Variants in PAGE1 observed in about 807,000 individuals in gnomAD.
PAGE1 encodes PAGE family member 1, also known as P antigen family member 1.
Under a neutral mutation model 11.5 loss-of-function variants are expected in PAGE1, and 6 were observed. The ratio of observed to expected loss-of-function variants is 0.52; its 90% confidence interval spans 0.29 to 1.03. The LOEUF (loss-of-function observed/expected upper bound fraction) is 1.03, where lower values mean the gene tolerates loss of function less well. Ranked by LOEUF, PAGE1 falls within the 50% of genes least tolerant of loss-of-function variation. The pLI is 0.09. For synonymous variants in PAGE1, 42 were observed against 40.2 expected, an observed-to-expected ratio of 1.05 and a Z score of -0.17; for missense variants, 120 against 110.2, an observed-to-expected ratio of 1.09 and a Z score of -0.40.
chrX:49,693,844 A>T (rs1301067824), intron 3 of PAGE1, among the ~76,000 whole-genome samples: 1 of 111,481 alleles, frequency 9.0e-6, no homozygotes, highest in Admixed American at 9.6e-5. Context: ...CTTGGACAAA[A>T]CACAATCCCC....
At position 49,691,294 on chromosome X, in the gene PAGE1, T is replaced by G. The variant is rs2066919552; in HGVS notation, c.247A>C (p.Arg83=). Residue 83 remains arginine, a synonymous_variant, in exon 4 of 6, where the codon AGG becomes CGG. Coordinates refer to ENST00000376150, the MANE Select transcript of PAGE1 (RefSeq NM_003785.4). ...CELGDGPDTK[R]VCLRNEEQMK... The stretch of plus-strand genomic sequence containing the variant: ...TGCTCTTCATTTCGCAGGCACACCC[T>G]CTTGGTATCAGGACCATCTCCAAGC... 1 of 1,208,946 alleles carries G rather than the reference T, an allele frequency of 8.3e-7. No homozygotes were observed. Among genetic ancestry groups the G allele is most frequent in the Non-Finnish European group, 1.1e-6 (1 of 894,210 alleles).
chrX:49,695,511 C>T (rs2066938514), intron 1 of PAGE1, among the ~76,000 whole-genome samples: 1 of 111,676 alleles, frequency 9.0e-6, no homozygotes, highest in African/African-American at 3.3e-5. Context: ...CCTCCCGCCT[C>T]GGGGCCCCAT....
Position 49,694,103 on chromosome X carries a change from A to G in PAGE1, c.162T>C (p.Ala54=), listed in dbSNP as rs782501239. ...EEREDEGASA[A]QGQEPEADSQ... ...TCTTCTTCCCTTTCCCTTCACCTTG[A>G]GCTGCAGATGCTCCCTCATCCTCTC... The change falls in exon 3 of 6, where the codon GCT becomes GCC. Residue 54 remains alanine, a synonymous_variant. Coordinates refer to ENST00000376150, the MANE Select transcript of PAGE1 (RefSeq NM_003785.4). 1 of 1,173,212 alleles carries G rather than the reference A, an allele frequency of 8.5e-7. No individual in the cohort carries two copies. Among genetic ancestry groups the G allele is most frequent in the Non-Finnish European group, 1.2e-6 (1 of 865,909 alleles).
rs782082632 is a variant in PAGE1 at position 49,695,149 on chromosome X, C to T, written c.-8-371G>A. 3.6e-4 allele frequency among the ~76,000 whole-genome samples: 41 copies of T among 112,859 alleles called. 1 individual carries two copies. Among genetic ancestry groups the T allele is most frequent in the South Asian group, 3.3e-3 (9 of 2,728 alleles). On this transcript the variant is annotated intron_variant, in intron 1 of 5. Coordinates refer to ENST00000376150, the MANE Select transcript of PAGE1 (RefSeq NM_003785.4). Reference sequence around the variant, plus strand: ...TCCGGAGTAGCTGGGACTACAGGCGCGCACCACTGCGCCCCTCTGACAGAG... The same window carrying T: ...TCCGGAGTAGCTGGGACTACAGGCGTGCACCACTGCGCCCCTCTGACAGAG...
chrX:49,694,889 A>C (rs1488818928), intron 1 of PAGE1, 111 bp from the exon 2 acceptor site: 1 of 453,577 alleles, frequency 2.2e-6, no homozygotes, highest in African/African-American at 2.4e-5. Flanking sequence ...ATACTCTCAA[A>C]ATAAGTCCCA....
In PAGE1 at chrX:49,694,184, T is replaced by G; in HGVS notation, c.81A>C (p.Gln27His). The G allele has an allele frequency of 8.5e-7, 1 of 1,174,638 alleles. No individual in the cohort carries two copies. The highest frequency in any genetic ancestry group is 1.1e-6 in the Non-Finnish European group (1 of 871,574). Residue 27 changes from glutamine to histidine, a missense_variant, in exon 3 of 6, where the codon CAA (glutamine) becomes CAC (histidine). By Grantham distance (24) the Gln-to-His change is conservative. Coordinates refer to ENST00000376150, the MANE Select transcript of PAGE1 (RefSeq NM_003785.4). Reference sequence around the variant, plus strand: ...GAGTTGGTGATTCCACTTCGTCAGGTTGCTCATCACTGGACTCCTTGTGGT... The same window carrying G: ...GAGTTGGTGATTCCACTTCGTCAGGGTGCTCATCACTGGACTCCTTGTGGT... The part of the protein sequence containing the change: ...VESSEESSDE[Q>H]PDEVESPTQS...
chrX:49,690,815 G>A (rs1265928780), intron 4 of PAGE1, among the ~76,000 whole-genome samples: 1 of 108,819 alleles, frequency 9.2e-6, no homozygotes, highest in Admixed American at 9.9e-5. Context: ...ACTTGAGGTC[G>A]GGAGTTCAAG....
chrX:49,695,594 G>A (rs1008060253), intron 1 of PAGE1, among the ~76,000 whole-genome samples: 2 of 111,791 alleles, frequency 1.8e-5, no homozygotes, highest in Non-Finnish European at 3.8e-5. Context: ...AACAGCACCC[G>A]CAGCACTCGC....
intron 2 of PAGE1, 116 bp from the exon 3 acceptor site, chrX:49,694,317 C>G (rs1770771338): frequency 2.3e-6 from 1 of 439,703 alleles, no homozygotes; most frequent in Admixed American, 4.0e-5. Flanking sequence ...CTGATCATAA[C>G]TAAACCTAAA....
At chrX:49,690,531 T>TA (rs1299983818) in intron 4 of PAGE1, among the ~76,000 whole-genome samples, 1 of 110,652 alleles carries the variant, frequency 9.0e-6, no homozygotes, top group Non-Finnish European at 1.9e-5. Context: ...AAAAGTTCTT[T>TA]AAAAAATACA....
chrX:49,689,783 C>T (rs1236895591), intron 4 of PAGE1, among the ~76,000 whole-genome samples: 2 of 57,954 alleles, frequency 3.5e-5, no homozygotes, highest in African/African-American at 1.5e-4. Flanking sequence ...TGTATATATA[C>T]ACACATATAT....
intron 5 of PAGE1, among the ~76,000 whole-genome samples, chrX:49,687,854 C>T (rs1475181290): frequency 1.8e-5 from 2 of 112,837 alleles, no homozygotes; most frequent in South Asian, 3.6e-4. Context: ...AAACATACTT[C>T]GGTGGATTAC....
At chrX:49,689,715 T>TATACAC (rs2066903231) in intron 4 of PAGE1, among the ~76,000 whole-genome samples, 172 bp from the exon 5 acceptor site, 1 of 47,628 alleles carries the variant, frequency 2.1e-5, no homozygotes, top group Non-Finnish European at 3.8e-5. Context: ...TGTGTATATA[T>TATACAC]GTATATATGT....
intron 4 of PAGE1, among the ~76,000 whole-genome samples, chrX:49,690,089 G>A (rs781887661): frequency 4.1e-5 from 2 of 48,997 alleles, no homozygotes; most frequent in Non-Finnish European, 7.2e-5. Flanking sequence ...GTGTATATAT[G>A]TGTATATATG....
At chrX:49,689,656 A>ATATATATACATATACATATATATGTG (rs1569533426) in intron 4 of PAGE1, 113 bp from the exon 5 acceptor site, 45 of 89,905 alleles carry the variant, frequency 5.0e-4, no homozygotes, top group African/African-American at 3.3e-3. Context: ...GTGTGTGTAT[A>ATATATATACATATACATATATATGTG]TATATATATA....
intron 3 of PAGE1, among the ~76,000 whole-genome samples, chrX:49,692,991 A>G (rs1278560095): frequency 9.0e-6 from 1 of 111,095 alleles, no homozygotes; most frequent in Non-Finnish European, 1.9e-5. Flanking sequence ...ATTCGGCCAT[A>G]GAGTACCAAC....
rs782541011 is a variant in PAGE1, at chrX:49,687,577, A to G, written c.419-14T>C. On this transcript the variant is annotated splice_polypyrimidine_tract_variant and intron_variant, in intron 5 of 5. Coordinates refer to ENST00000376150, the MANE Select transcript of PAGE1 (RefSeq NM_003785.4). ...ATTGCCCTTCATCTGTAACAGAAAC[A>G]TAACTGTTAGGAAGATGATTTAGCA... The G allele has an allele frequency of 2.5e-6, 3 of 1,194,085 alleles. No individual in the cohort carries two copies. The highest frequency in any genetic ancestry group is 2.2e-5 in the Admixed American group (1 of 45,013).
intron 4 of PAGE1, among the ~76,000 whole-genome samples, chrX:49,690,135 A>AGTG (rs2066914890): frequency 2.4e-5 from 2 of 82,333 alleles, no homozygotes; most frequent in Admixed American, 1.3e-4. Flanking sequence ...ATATATACAC[A>AGTG]TATATATGTG....
intron 4 of PAGE1, 32 bp from the exon 5 acceptor site, chrX:49,689,575 A>AAAAAAAATATATAT: frequency 3.2e-5 from 1 of 31,149 alleles, no homozygotes; most frequent in Non-Finnish European, 5.6e-5. Context: ...AAAAAAAAAA[A>AAAAAAAATATATAT]ATATATATAT....
Sources: allele counts gnomAD v4.1 joint callset (sites outside exome capture counted in the v4.1 genomes callset), GRCh38; gene constraint gnomAD v4.1.1; transcripts MANE v1.5; gene names NCBI Gene and HGNC (gene_info 2026-07-23, HGNC 2026-07-21).